CNTN5: variants seen among roughly 807,000 people sequenced by gnomAD.
CNTN5 encodes the protein contactin-5.
Under a neutral mutation model 129.1 loss-of-function variants are expected in CNTN5, and 77 were observed. The observed-to-expected ratio is 0.60, with a 90% CI of 0.50 to 0.72. The LOEUF (loss-of-function observed/expected upper bound fraction) is 0.72, where lower values mean the gene tolerates loss of function less well. Ranked by LOEUF, CNTN5 falls within the 30% of genes least tolerant of loss-of-function variation. CNTN5 has a pLI of 0.00. For missense variants in CNTN5, 1,478 were observed against 1,328.8 expected (o/e 1.11, Z -1.75); for synonymous variants, 509 against 465.6 (o/e 1.09, Z -1.20).
At chr11:99,392,769 AT>A (rs1941329617) in intron 2 of CNTN5, among the ~76,000 whole-genome samples, 2 of 151,898 alleles carry the variant, frequency 1.3e-5, no homozygotes, top group African/African-American at 4.8e-5. Context: ...AATTGTTCAC[AT>A]TTTTCATTTT....
chr11:99,303,953 AGCATG>A (rs1370655892), intron 1 of CNTN5, among the ~76,000 whole-genome samples: 1 of 152,144 alleles, frequency 6.6e-6, no homozygotes, highest in Non-Finnish European at 1.5e-5. Context: ...TAATCTCCTC[AGCATG>A]GCCTTCATCT....
At chr11:99,323,890 C>A (rs1865672403) in intron 1 of CNTN5, among the ~76,000 whole-genome samples, 1 of 151,392 alleles carries the variant, frequency 6.6e-6, no homozygotes, top group South Asian at 2.1e-4. Flanking sequence ...GGAAGAGGGA[C>A]AAAAGCGAGG....
intron 6 of CNTN5, among the ~76,000 whole-genome samples, chr11:99,881,496 C>G (rs1390734744): frequency 1.3e-5 from 2 of 152,114 alleles, no homozygotes; most frequent in African/African-American, 4.8e-5. Flanking sequence ...TTTAAAAATT[C>G]ATTGAAGTCC....
At chr11:99,716,751 A>C (rs899364400) in intron 3 of CNTN5, among the ~76,000 whole-genome samples, 3 of 152,136 alleles carry the variant, frequency 2.0e-5, no homozygotes, top group African/African-American at 7.2e-5. Context: ...AAATAGTTTA[A>C]GTTCTCTAAC....
intron 1 of CNTN5, among the ~76,000 whole-genome samples, chr11:99,229,876 G>A (rs185896550): frequency 6.6e-6 from 1 of 151,906 alleles, no homozygotes; most frequent in Admixed American, 6.6e-5. Flanking sequence ...AAGAGTATCT[G>A]TCTATCTATC....
chr11:100,280,084 A>AT (rs1407390640), intron 18 of CNTN5, among the ~76,000 whole-genome samples: 11 of 150,590 alleles, frequency 7.3e-5, no homozygotes, highest in Non-Finnish European at 1.2e-4. Context: ...ATTCAGGAGC[A>AT]TTTTTTTTGT....
At chr11:100,252,703 C>A (rs761677757) in intron 16 of CNTN5, among the ~76,000 whole-genome samples, 9 of 152,042 alleles carry the variant, frequency 5.9e-5, no homozygotes, top group Non-Finnish European at 1.3e-4. Flanking sequence ...GATCTGAAGG[C>A]CTCTTCACTG....
At chr11:100,240,707 AG>A (rs1172552778) in intron 16 of CNTN5, among the ~76,000 whole-genome samples, 1 of 152,244 alleles carries the variant, frequency 6.6e-6, no homozygotes, top group East Asian at 1.9e-4. Context: ...AAATAAATAA[AG>A]CAAGTACAAA....
At chr11:99,069,596 T>C (rs1232253016) in intron 1 of CNTN5, among the ~76,000 whole-genome samples, 2 of 152,184 alleles carry the variant, frequency 1.3e-5, no homozygotes, top group Non-Finnish European at 2.9e-5. Context: ...AGAGGGCAAG[T>C]ACTGTGTGTT....
At chr11:100,339,959 TACATTCAAACCATTCCAGAGTA>T (rs1409526511) in intron 21 of CNTN5, among the ~76,000 whole-genome samples, 1 of 152,204 alleles carries the variant, frequency 6.6e-6, no homozygotes, top group Non-Finnish European at 1.5e-5. Flanking sequence ...GCTGTTTCTC[TACATTCAAACCATTCCAGAGTA>T]TCCAGTGTTC....
intron 1 of CNTN5, among the ~76,000 whole-genome samples, chr11:99,066,433 G>A (rs1040504072): frequency 9.2e-5 from 14 of 152,054 alleles, no homozygotes; most frequent in African/African-American, 2.7e-4. Context: ...GGCCATTACT[G>A]CTGATTGTAA....
intron 1 of CNTN5, among the ~76,000 whole-genome samples, chr11:99,324,003 A>G (rs555715950): frequency 1.3e-5 from 2 of 152,312 alleles, no homozygotes; most frequent in Admixed American, 6.5e-5. Context: ...GTATACTACA[A>G]TAATATCTAT....
intron 3 of CNTN5, among the ~76,000 whole-genome samples, chr11:99,795,559 T>C (rs978289234): frequency 1.3e-5 from 2 of 151,708 alleles, no homozygotes; most frequent in African/African-American, 4.8e-5. Flanking sequence ...TAATGTTCTT[T>C]CAATCGCTGA....
At chr11:99,383,348 C>G (rs1008171082) in intron 2 of CNTN5, among the ~76,000 whole-genome samples, 3 of 152,016 alleles carry the variant, frequency 2.0e-5, no homozygotes. Context: ...ATGTGATGAA[C>G]AGAAGAAAAA....
At chr11:100,022,229 T>C (rs1370852208) in intron 9 of CNTN5, among the ~76,000 whole-genome samples, 1 of 152,222 alleles carries the variant, frequency 6.6e-6, no homozygotes, top group African/African-American at 2.4e-5. Flanking sequence ...AACCTGCTAT[T>C]ACTTTTAAAC....
At chr11:100,140,528 A>G (rs1372449441) in intron 13 of CNTN5, among the ~76,000 whole-genome samples, 2 of 152,138 alleles carry the variant, frequency 1.3e-5, no homozygotes, top group African/African-American at 4.8e-5. Context: ...AGGGTGAACT[A>G]GAAGGATGGA....
intron 2 of CNTN5, among the ~76,000 whole-genome samples, chr11:99,449,230 G>T (rs1042299194): frequency 6.6e-6 from 1 of 152,118 alleles, no homozygotes; most frequent in Non-Finnish European, 1.5e-5. Context: ...GAAGTATGTT[G>T]AACATGTGTG....
intron 21 of CNTN5, among the ~76,000 whole-genome samples, chr11:100,318,240 C>CAAA (rs1319142269): frequency 1.8e-5 from 1 of 56,104 alleles, no homozygotes; most frequent in African/African-American, 7.6e-5. Context: ...GACTCTGTCT[C>CAAA]AGAAAAAAAA....
chr11:99,490,478 T>C (rs1945993281), intron 2 of CNTN5, among the ~76,000 whole-genome samples: 2 of 152,228 alleles, frequency 1.3e-5, no homozygotes, highest in Admixed American at 6.5e-5. Context: ...GTACTCTTCT[T>C]ACTTTGTAAA....
Sources: gnomAD v4.1 joint callset for allele counts (sites outside exome capture counted in the v4.1 genomes callset) on GRCh38, gnomAD v4.1.1 for gene constraint, MANE v1.5 for transcripts, NCBI Gene and HGNC (gene_info 2026-07-23, HGNC 2026-07-21) for gene names.